HDAC9: variants seen among roughly 807,000 people sequenced by gnomAD.
HDAC9 encodes the protein histone deacetylase 9.
HDAC9 carries 41 observed loss-of-function variants against 139.4 expected under a neutral mutation model. The observed-to-expected ratio is 0.29, with a 90% CI of 0.23 to 0.38. HDAC9 has a LOEUF of 0.38. Among genes scored for constraint, HDAC9 ranks in the 10% least tolerant of loss-of-function variants. The pLI, the probability that HDAC9 is intolerant of heterozygous loss-of-function variation, is 1.00. For missense variants in HDAC9, 1,147 were observed against 1,297.0 expected (o/e 0.88, Z 1.78); for synonymous variants, 517 against 476.2 (o/e 1.09, Z -1.12).
At chr7:18,947,531 A>C (rs1782489961) in intron 23 of HDAC9, among the ~76,000 whole-genome samples, 1 of 152,008 alleles carries the variant, frequency 6.6e-6, no homozygotes, top group African/African-American at 2.4e-5. Flanking sequence ...TTATAATAAA[A>C]ATGCAACCTT....
At chr7:18,810,093 T>C (rs1484304034) in intron 17 of HDAC9, among the ~76,000 whole-genome samples, 3 of 151,872 alleles carry the variant, frequency 2.0e-5, no homozygotes, top group Non-Finnish European at 4.4e-5. Context: ...TGGAAGACAA[T>C]ATGTTAAGTG....
chr7:18,913,485 C>A (rs983056224), intron 22 of HDAC9, among the ~76,000 whole-genome samples: 1 of 152,078 alleles, frequency 6.6e-6, no homozygotes, highest in Non-Finnish European at 1.5e-5. Flanking sequence ...CATAGCAATA[C>A]ACAATTTGTT....
At chr7:18,737,649 T>C (rs1165913004) in intron 13 of HDAC9, among the ~76,000 whole-genome samples, 1 of 152,230 alleles carries the variant, frequency 6.6e-6, no homozygotes, top group Non-Finnish European at 1.5e-5. Flanking sequence ...TCTGTTCTTT[T>C]ACATTTGCTG....
chr7:18,642,169 G>A (rs1192272467), intron 8 of HDAC9, among the ~76,000 whole-genome samples: 3 of 152,040 alleles, frequency 2.0e-5, no homozygotes, highest in Non-Finnish European at 2.9e-5. Context: ...TAGTAGATAT[G>A]GGGGACACAG....
intron 22 of HDAC9, among the ~76,000 whole-genome samples, chr7:18,912,987 T>G (rs1055731890): frequency 6.6e-6 from 1 of 152,106 alleles, no homozygotes; most frequent in Non-Finnish European, 1.5e-5. Flanking sequence ...ATTAGAAAAC[T>G]AAAGAGTTTT....
At chr7:18,693,188 C>T (rs1782794594) in intron 12 of HDAC9, among the ~76,000 whole-genome samples, 1 of 151,918 alleles carries the variant, frequency 6.6e-6, no homozygotes. Context: ...GAAAACAATA[C>T]ACTGAGATAA....
At chr7:18,409,242 A>G (rs1045584146) in intron 1 of HDAC9, among the ~76,000 whole-genome samples, 6 of 152,182 alleles carry the variant, frequency 3.9e-5, no homozygotes, top group African/African-American at 1.4e-4. Flanking sequence ...CTGGCGATAC[A>G]TGACTATTAA....
chr7:18,618,992 C>T (rs1839475548), intron 6 of HDAC9, among the ~76,000 whole-genome samples: 1 of 151,752 alleles, frequency 6.6e-6, no homozygotes, highest in African/African-American at 2.4e-5. Flanking sequence ...AAGACTGAAA[C>T]ATGTTTATAA....
chr7:18,300,421 A>T (rs1798459554), intron 1 of HDAC9, among the ~76,000 whole-genome samples: 1 of 152,166 alleles, frequency 6.6e-6, no homozygotes, highest in Non-Finnish European at 1.5e-5. Context: ...TTGACTTATC[A>T]ATACCTTCAT....
At chr7:18,279,235 T>C (rs1796940237) in intron 2 of HDAC9, among the ~76,000 whole-genome samples, 1 of 152,180 alleles carries the variant, frequency 6.6e-6, no homozygotes, top group South Asian at 2.1e-4. Flanking sequence ...TTCAGATTTT[T>C]GTTGTCCCAA....
chr7:18,637,263 A>G (rs1784178579), intron 8 of HDAC9, among the ~76,000 whole-genome samples: 1 of 152,126 alleles, frequency 6.6e-6, no homozygotes, highest in African/African-American at 2.4e-5. Context: ...ACTAAAGAAG[A>G]TACATATATT....
At chr7:18,311,016 C>G (rs1799281611) in intron 1 of HDAC9, among the ~76,000 whole-genome samples, 2 of 151,768 alleles carry the variant, frequency 1.3e-5, no homozygotes, top group South Asian at 4.1e-4. Flanking sequence ...GTAATAAGAT[C>G]TTTATGTTAA....
At chr7:18,667,932 A>G (rs1052850240) in intron 12 of HDAC9, 3 of 980,678 alleles carry the variant, frequency 3.1e-6, no homozygotes, top group Non-Finnish European at 3.6e-6. Context: ...GGATAATCCA[A>G]ATTGACCTAG....
chr7:18,863,374 G>A, intron 21 of HDAC9, among the ~76,000 whole-genome samples: 1 of 152,168 alleles, frequency 6.6e-6, no homozygotes, highest in East Asian at 1.9e-4. Context: ...TTTGAACGTG[G>A]CCCAGGATGG....
In HDAC9 at chr7:18,653,478, A is replaced by G. The variant is rs141148536; in HGVS notation, c.1467+4795A>G. Among the ~76,000 whole-genome samples the G allele has an allele frequency of 1.6e-3, 236 of 152,158 alleles. 2 individuals carry two copies. The highest frequency in any genetic ancestry group is 5.8e-3 in the East Asian group (30 of 5,172). ...ATCTTGTGCATTCCTATGACTGGCT[A>G]TCAGCCAACACTTTTTTAAAAACTT... On this transcript the variant is annotated intron_variant, in intron 11 of 25. Coordinates refer to ENST00000686413, the MANE Select transcript of HDAC9 (RefSeq NM_178425.4).
At chr7:18,245,130 G>A (rs2128193106) in intron 2 of HDAC9, among the ~76,000 whole-genome samples, 1 of 152,238 alleles carries the variant, frequency 6.6e-6, no homozygotes, top group Non-Finnish European at 1.5e-5. Flanking sequence ...TTAGGCATGT[G>A]GGGCCAATTT....
chr7:18,155,069 C>T (rs778994409), intron 1 of HDAC9, among the ~76,000 whole-genome samples: 1 of 143,394 alleles, frequency 7.0e-6, no homozygotes, highest in African/African-American at 2.8e-5. Context: ...GTAGACAAAG[C>T]TTTTTTTCTT....
chr7:18,107,033 T>C (rs1286296474), intron 1 of HDAC9, among the ~76,000 whole-genome samples: 1 of 152,206 alleles, frequency 6.6e-6, no homozygotes, highest in Non-Finnish European at 1.5e-5. Flanking sequence ...AGTGTTATGT[T>C]TCATAGTTTT....
intron 25 of HDAC9, among the ~76,000 whole-genome samples, chr7:18,990,696 C>T (rs536300968): frequency 1.3e-4 from 20 of 152,330 alleles, no homozygotes; most frequent in South Asian, 8.3e-4. Context: ...TAGCAGTCAG[C>T]GAGATTCTGT....
Sources: allele counts gnomAD v4.1 joint callset (sites outside exome capture counted in the v4.1 genomes callset), GRCh38; gene constraint gnomAD v4.1.1; transcripts MANE v1.5; gene names NCBI Gene and HGNC (gene_info 2026-07-23, HGNC 2026-07-21).